Variants in DMD observed in about 807,000 individuals in gnomAD.
DMD encodes dystrophin, also known as mutant dystrophin.
DMD carries 63 observed loss-of-function variants against 330.1 expected under a neutral mutation model. The ratio of observed to expected loss-of-function variants is 0.19; its 90% CI spans 0.16 to 0.24. DMD has a LOEUF of 0.24. Among genes scored for constraint, DMD ranks in the 10% least tolerant of loss-of-function variants. The probability of loss-of-function intolerance (pLI) is 1.00; values close to 1 mark genes in which losing one functional copy is unlikely to be tolerated. For synonymous variants in DMD, 1,223 were observed against 959.8 expected (o/e 1.27, Z -5.07); for missense variants, 3,344 against 2,684.1 (o/e 1.25, Z -5.43).
chrX:32,482,002 C>T (rs750039907), intron 21 of DMD, among the ~76,000 whole-genome samples: 23 of 111,910 alleles, frequency 2.1e-4, no homozygotes, highest in African/African-American at 7.4e-4. Context: ...AGTCAAAACA[C>T]TGGCTTTGTC....
intron 4 of DMD, among the ~76,000 whole-genome samples, chrX:32,843,346 C>G (rs190634767): frequency 1.2e-4 from 14 of 112,183 alleles, no homozygotes; most frequent in African/African-American, 4.2e-4. Flanking sequence ...GTCAATGACA[C>G]TGATATTTCC....
chrX:32,825,707 G>A (rs933478399), intron 4 of DMD, among the ~76,000 whole-genome samples: 1 of 111,711 alleles, frequency 9.0e-6, no homozygotes, highest in African/African-American at 3.3e-5. Context: ...ATGAAATTCT[G>A]ATACAAACTA....
At chrX:32,603,534 G>T (rs1245475346) in intron 12 of DMD, among the ~76,000 whole-genome samples, 1 of 110,567 alleles carries the variant, frequency 9.0e-6, no homozygotes, top group Non-Finnish European at 1.9e-5. Flanking sequence ...AAATGAAACT[G>T]AGATAATAAA....
chrX:31,276,123 C>T (rs890569742), intron 62 of DMD, among the ~76,000 whole-genome samples: 8 of 112,203 alleles, frequency 7.1e-5, no homozygotes, highest in Admixed American at 4.7e-4. Context: ...GTGGCACGAT[C>T]TCGGCTCACT....
At chrX:32,900,728 T>G (rs1021995504) in intron 2 of DMD, among the ~76,000 whole-genome samples, 7 of 111,210 alleles carry the variant, frequency 6.3e-5, no homozygotes, top group African/African-American at 2.3e-4. Flanking sequence ...ATCTTATATG[T>G]ACATCTATAG....
rs1372335200 is a variant in DMD at position 32,970,752 on chromosome X, A to G, written c.93+49387T>C. Among the ~76,000 whole-genome samples the G allele has an allele frequency of 1.2e-4, 11 of 94,209 alleles. 3 individuals are homozygous for G. The highest frequency in any genetic ancestry group is 5.2e-4 in the African/African-American group (11 of 20,979). 81.8% of individuals were successfully genotyped at this position (94,209 alleles called of 115,157 possible). ...TTCTTTATTTAGTCTTAACACTGAA[A>G]AGTCTTAATGAATGTGTATCTACCA... On this transcript the variant is annotated intron_variant, in intron 2 of 78. Coordinates refer to ENST00000357033, the MANE Select transcript of DMD (RefSeq NM_004006.3).
At chrX:31,242,388 T>G (rs781437552) in intron 63 of DMD, among the ~76,000 whole-genome samples, 19 of 109,554 alleles carry the variant, frequency 1.7e-4, no homozygotes, top group Non-Finnish European at 3.0e-4. Flanking sequence ...CTGGAATATC[T>G]TGGCCCTACA....
chrX:31,290,214 C>G (rs957043427), intron 62 of DMD, among the ~76,000 whole-genome samples: 2 of 110,583 alleles, frequency 1.8e-5, no homozygotes, highest in Non-Finnish European at 3.8e-5. Flanking sequence ...AGCCACCATG[C>G]CCAGTCTTAT....
chrX:32,847,446 G>A (rs2080782890), intron 3 of DMD, among the ~76,000 whole-genome samples: 1 of 111,969 alleles, frequency 8.9e-6, no homozygotes, highest in African/African-American at 3.2e-5. Context: ...AGATGCTTCT[G>A]AGTAGAATAC....
At chrX:32,542,700 T>A (rs2048597234) in intron 17 of DMD, among the ~76,000 whole-genome samples, 1 of 112,461 alleles carries the variant, frequency 8.9e-6, no homozygotes, top group African/African-American at 3.2e-5. Flanking sequence ...GCATGATGCC[T>A]CTTTAATCAT....
intron 64 of DMD, among the ~76,000 whole-genome samples, chrX:31,211,897 G>GA (rs2044714397): frequency 9.0e-6 from 1 of 111,387 alleles, no homozygotes; most frequent in African/African-American, 3.3e-5. Context: ...GAGCTATTTT[G>GA]AAAAAATTTC....
rs1264057509 is a variant in DMD, at chrX:33,228,925, GTT to G, written c.7+110332_7+110333del. On this transcript the variant is annotated intron_variant, in intron 1 of 17. Coordinates refer to the DMD transcript ENST00000288447. The stretch of plus-strand genomic sequence containing the variant: ...TTTCAGACACTCTGAAAAATGTGTA[GTT>G]TTATCTCACTGTGGTTTCAATTTAT... 4.5e-5 allele frequency among the ~76,000 whole-genome samples: 5 copies of G among 110,654 alleles called. No individual in the cohort carries two copies. In the Admixed American group the frequency reaches 4.8e-4, roughly 11 times the overall value.
chrX:31,440,970 C>A (rs1204665340), intron 60 of DMD, among the ~76,000 whole-genome samples: 1 of 112,105 alleles, frequency 8.9e-6, no homozygotes. Flanking sequence ...ACTGGTTTCA[C>A]CATTTTGACT....
intron 52 of DMD, among the ~76,000 whole-genome samples, chrX:31,716,625 G>A (rs147395224): frequency 0.032 from 3,511 of 110,887 alleles, 63 homozygotes; most frequent in Middle Eastern, 0.055. Flanking sequence ...TCTAAAACGG[G>A]CTAAACATTA....
chrX:32,781,746 G>T (rs188000344), intron 7 of DMD, among the ~76,000 whole-genome samples: 37 of 110,654 alleles, frequency 3.3e-4, no homozygotes, highest in Non-Finnish European at 6.6e-4. Context: ...ACATACATCC[G>T]CATACTAAGG....
At chrX:32,678,499 C>CGTGTGTGTGT (rs760244852) in intron 9 of DMD, among the ~76,000 whole-genome samples, 10 of 106,064 alleles carry the variant, frequency 9.4e-5, no homozygotes, top group African/African-American at 3.4e-4. Context: ...TTTGCGTGTC[C>CGTGTGTGTGT]GTGTGTGTGT....
intron 50 of DMD, among the ~76,000 whole-genome samples, chrX:31,802,360 G>A (rs2092108995): frequency 9.0e-6 from 1 of 111,247 alleles, no homozygotes; most frequent in Non-Finnish European, 1.9e-5. Flanking sequence ...AGTGTTACAA[G>A]TGAAAGGTGG....
intron 47 of DMD, among the ~76,000 whole-genome samples, chrX:31,876,972 A>G (rs1410678543): frequency 4.5e-5 from 5 of 111,513 alleles, no homozygotes; most frequent in Non-Finnish European, 9.4e-5. Context: ...TAAACTAGAT[A>G]ATATACCAGT....
intron 1 of DMD, chrX:33,041,247 T>C: frequency 1.9e-6 from 1 of 522,013 alleles, no homozygotes; most frequent in Non-Finnish European, 3.2e-6. Context: ...TATGACACTA[T>C]AATGATTTAT....
Sources: gnomAD v4.1 joint callset for allele counts (sites outside exome capture counted in the v4.1 genomes callset) on GRCh38, gnomAD v4.1.1 for gene constraint, MANE v1.5 for transcripts, NCBI Gene and HGNC (gene_info 2026-07-23, HGNC 2026-07-21) for gene names.